Variants in UMAD1 observed in about 807,000 individuals in gnomAD.
UMAD1 encodes UBAP1-MVB12-associated (UMA)-domain containing protein 1.
In UMAD1, 8 loss-of-function variants were observed where a neutral mutation model predicts 6.1. That is an observed-to-expected ratio of 1.30 (90% CI 0.76 to 2.35). UMAD1 has a LOEUF of 2.35. Ranked by LOEUF, UMAD1 falls within the 30% of genes most tolerant of loss-of-function variation. The pLI, the probability that UMAD1 is intolerant of heterozygous loss-of-function variation, is 0.00. For missense variants in UMAD1, 130 were observed against 78.4 expected, an observed-to-expected ratio of 1.66 and a Z score of -2.49; for synonymous variants, 56 against 31.4, an observed-to-expected ratio of 1.78 and a Z score of -2.61.
intron 2 of UMAD1, among the ~76,000 whole-genome samples, chr7:7,732,210 G>T (rs938995962): frequency 1.3e-5 from 2 of 151,848 alleles, no homozygotes; most frequent in African/African-American, 4.8e-5. Context: ...ATATGTTTTT[G>T]TTAAACGTAA....
chr7:7,822,821 GA>G (rs1041368239), intron 3 of UMAD1, among the ~76,000 whole-genome samples: 8 of 151,606 alleles, frequency 5.3e-5, no homozygotes, highest in Admixed American at 4.6e-4. Context: ...CTATGAAGAC[GA>G]AAAACTTTTT....
At chr7:7,818,420 A>G (rs1783174027) in intron 3 of UMAD1, among the ~76,000 whole-genome samples, 1 of 152,220 alleles carries the variant, frequency 6.6e-6, no homozygotes, top group Non-Finnish European at 1.5e-5. Context: ...AAAAAAGCTC[A>G]ACATCACTGA....
chr7:7,738,762 A>T (rs1371834728), intron 2 of UMAD1: 1 of 152,248 alleles, frequency 6.6e-6, no homozygotes, highest in Non-Finnish European at 1.5e-5. Flanking sequence ...TGCTCAAAAA[A>T]TGGCACTACC....
chr7:7,769,862 G>C (rs1053716478), intron 2 of UMAD1, among the ~76,000 whole-genome samples: 1 of 152,058 alleles, frequency 6.6e-6, no homozygotes, highest in Non-Finnish European at 1.5e-5. Flanking sequence ...AGCTGTTGGT[G>C]ATTTATAGCC....
intron 1 of UMAD1, among the ~76,000 whole-genome samples, chr7:7,642,628 A>T (rs1036736207): frequency 6.6e-6 from 1 of 152,212 alleles, no homozygotes; most frequent in Non-Finnish European, 1.5e-5. Context: ...TTTTTGAGTC[A>T]CTTAAAATAT....
At chr7:7,742,156 C>A in intron 2 of UMAD1, 1 of 655,196 alleles carries the variant, frequency 1.5e-6, no homozygotes, top group South Asian at 1.4e-5. Flanking sequence ...TATGCCTTCT[C>A]TCCATCAGGC....
At chr7:7,680,165 G>A (rs916551697) in intron 2 of UMAD1, among the ~76,000 whole-genome samples, 1 of 151,930 alleles carries the variant, frequency 6.6e-6, no homozygotes, top group Non-Finnish European at 1.5e-5. Flanking sequence ...TAGTAGTTTC[G>A]TAGTTTCAGG....
At chr7:7,726,517 C>T (rs548254729) in intron 2 of UMAD1, among the ~76,000 whole-genome samples, 2 of 152,328 alleles carry the variant, frequency 1.3e-5, no homozygotes, top group East Asian at 3.9e-4. Context: ...GCCGTGTATG[C>T]TCTGAATCAG....
intron 1 of UMAD1, among the ~76,000 whole-genome samples, chr7:7,644,223 T>A (rs1212127664): frequency 6.6e-6 from 1 of 152,190 alleles, no homozygotes; most frequent in Non-Finnish European, 1.5e-5. Context: ...TGGTTATTTA[T>A]GTTTATCTTT....
At chr7:7,839,004 G>T (rs1306765753) in intron 3 of UMAD1, among the ~76,000 whole-genome samples, 1 of 152,174 alleles carries the variant, frequency 6.6e-6, no homozygotes, top group Non-Finnish European at 1.5e-5. Context: ...TCTAGCAGGG[G>T]AGGAAAAGGA....
At position 7,722,596 on chromosome 7, in the gene UMAD1, A is replaced by C. The variant is rs114326424; in HGVS notation, c.82+49143A>C. Among the ~76,000 whole-genome samples the C allele has an allele frequency of 1.4e-3, 209 of 152,328 alleles. 1 individual carries two copies. The highest frequency in any genetic ancestry group is 4.9e-3 in the African/African-American group (204 of 41,566). On this transcript the variant is annotated intron_variant, in intron 2 of 3. Transcript: ENST00000682710. ...TCACTGGACAAAGTGATGAAGGAAA[A>C]TGATGAATTCAGGGATTCTGACTCC... is the stretch of plus-strand genomic sequence containing the variant.
At chr7:7,740,067 T>C (rs1364367462) in intron 2 of UMAD1, among the ~76,000 whole-genome samples, 1 of 152,246 alleles carries the variant, frequency 6.6e-6, no homozygotes, top group African/African-American at 2.4e-5. Context: ...TTAAAAGTTC[T>C]TGAAACCCTG....
chr7:7,692,504 C>A (rs1428303146), intron 2 of UMAD1: 2 of 152,198 alleles, frequency 1.3e-5, no homozygotes, highest in Non-Finnish European at 2.9e-5. Flanking sequence ...TTGTGGAAGA[C>A]AAATTGTCAA....
rs188345972 is a variant in UMAD1, at chr7:7,711,607, T to C, written c.82+38154T>C. 3.2e-3 allele frequency among the ~76,000 whole-genome samples: 488 copies of C among 152,284 alleles called. 5 individuals are homozygous for C. Among genetic ancestry groups the C allele is most frequent in the Admixed American group, 0.014 (218 of 15,296 alleles). On this transcript the variant is annotated intron_variant, in intron 2 of 3. Transcript: ENST00000682710. ...TACATTTTCTTGTTTATAATGGAAT[T>C]GGACATTTTTATTTATGTTTAATAG...
rs34214373 is a variant in UMAD1 at position 7,827,177 on chromosome 7, G to GTGTGTGTGTGTGTGTA, written c.156+25435_156+25436insGTGTGTGTGTGTGTAT. Among the ~76,000 whole-genome samples, 215 of 147,112 alleles carry GTGTGTGTGTGTGTGTA rather than the reference G, an allele frequency of 1.5e-3. 4 individuals are homozygous for GTGTGTGTGTGTGTGTA. Among genetic ancestry groups the GTGTGTGTGTGTGTGTA allele is most frequent in the African/African-American group, 5.3e-3 (201 of 38,006 alleles). ...TGTGTGTGTGTGTGTGTGTGTGTGT[G>GTGTGTGTGTGTGTGTA]TATCACATGAAAATTTAAATAATGG... On this transcript the variant is annotated intron_variant, in intron 3 of 3. Transcript: ENST00000682710.
At chr7:7,796,337 C>T (rs568588294) in intron 2 of UMAD1, among the ~76,000 whole-genome samples, 6 of 145,448 alleles carry the variant, frequency 4.1e-5, no homozygotes, top group South Asian at 2.2e-4. Context: ...CCACAACCTC[C>T]GCCTCCCAGG....
At chr7:7,781,941 G>A (rs995818432) in intron 2 of UMAD1, among the ~76,000 whole-genome samples, 4 of 152,036 alleles carry the variant, frequency 2.6e-5, no homozygotes, top group Non-Finnish European at 2.9e-5. Context: ...ATTTTTATCA[G>A]TTCTCAACTA....
intron 3 of UMAD1, among the ~76,000 whole-genome samples, chr7:7,829,763 C>T (rs1459656590): frequency 6.6e-6 from 1 of 152,082 alleles, no homozygotes; most frequent in Non-Finnish European, 1.5e-5. Flanking sequence ...GTCACCAAAC[C>T]TAGTAAAACA....
intron 3 of UMAD1, among the ~76,000 whole-genome samples, chr7:7,815,928 G>A (rs1003453326): frequency 2.6e-5 from 4 of 152,094 alleles, no homozygotes; most frequent in African/African-American, 7.2e-5. Flanking sequence ...AGTGGAGGTG[G>A]GGGAGGACAA....
Sources: gnomAD v4.1 joint callset for allele counts (sites outside exome capture counted in the v4.1 genomes callset) on GRCh38, gnomAD v4.1.1 for gene constraint, MANE v1.5 for transcripts, NCBI Gene and HGNC (gene_info 2026-07-23, HGNC 2026-07-21) for gene names.